Variants in SLC49A3 observed in about 807,000 individuals in gnomAD.
The protein encoded by SLC49A3 is solute carrier family 49 member A3.
SLC49A3 carries 50 observed loss-of-function variants against 43.8 expected under a neutral mutation model. The observed-to-expected ratio is 1.14, with a 90% CI of 0.91 to 1.45. The LOEUF (loss-of-function observed/expected upper bound fraction) is 1.45. Ranked by LOEUF, SLC49A3 falls within the 40% of genes most tolerant of loss-of-function variation. SLC49A3 has a pLI of 0.00. For missense variants in SLC49A3, 906 were observed against 774.1 expected (o/e 1.17, Z -2.02); for synonymous variants, 413 against 352.0 (o/e 1.17, Z -1.94).
chr4:681,546 T>C (rs1739544229), downstream of SLC49A3, among the ~76,000 whole-genome samples: 1 of 127,000 alleles, frequency 7.9e-6, no homozygotes, highest in Non-Finnish European at 1.6e-5. Context: ...TCCCCGACGC[T>C]GCTGAAGGGC....
At chr4:683,516 G>A (rs1740294459) in intron 7 of SLC49A3, 93 bp downstream of exon 7, 1 of 1,505,892 alleles carries the variant, frequency 6.6e-7, no homozygotes, top group Non-Finnish European at 8.9e-7. Flanking sequence ...AGACAGTCCA[G>A]ACCTCTGTTC....
At chr4:678,289 G>C, downstream of SLC49A3, 1 of 1,438,664 alleles carries the variant, frequency 7.0e-7, no homozygotes, top group Non-Finnish European at 9.1e-7. Flanking sequence ...CAGGATGAGG[G>C]GGTTCCTGGC....
At chr4:682,463 C>G in intron 9 of SLC49A3, 87 bp from the exon 10 acceptor site, 1 of 1,249,046 alleles carries the variant, frequency 8.0e-7, no homozygotes, top group Non-Finnish European at 1.0e-6. Context: ...GGTGACCCCA[C>G]TACCCTTGAC....
At chr4:678,764 A>G, downstream of SLC49A3, 1 of 1,610,036 alleles carries the variant, frequency 6.2e-7, no homozygotes, top group Non-Finnish European at 8.5e-7. Context: ...GAGTTCAAGG[A>G]GGTGAGACTT....
downstream of SLC49A3, chr4:677,862 G>A (rs921130362): frequency 6.6e-6 from 8 of 1,207,166 alleles, no homozygotes; most frequent in Admixed American, 5.3e-5. Flanking sequence ...CTGCCAGGCT[G>A]CCAAAGCTCA....
At chr4:679,936 C>T (rs779480662), downstream of SLC49A3, 27 of 1,613,642 alleles carry the variant, frequency 1.7e-5, no homozygotes, top group Middle Eastern at 1.6e-4. Flanking sequence ...TCAAGGACGA[C>T]GAGCTGGACG....
Position 682,095 on chromosome 4 carries a change from T to C in SLC49A3, c.1543A>G (p.Thr515Ala). 7.3e-7 allele frequency: 1 copy of C among 1,377,840 alleles called. No homozygotes were observed. The highest frequency in any genetic ancestry group is 9.5e-7 in the Non-Finnish European group (1 of 1,054,474). 85.4% of individuals were successfully genotyped at this position (1,377,840 alleles called of 1,614,324 possible). A position where few individuals can be genotyped will look rare whatever the true frequency, so the allele number is the denominator to read the frequency against. ...GCTGCTGGGCCTTGCGCACGGGGAG[T>C]CGCTCGGTGGCAGGCTGGGTGGGGG... is the stretch of plus-strand genomic sequence containing the variant. The part of the protein sequence containing the change: ...GSPHPACHRA[T>A]PRAQGPAATD... Residue 515 changes from threonine to alanine, a missense_variant, in exon 10 of 10, where the codon ACT becomes GCT. Coordinates refer to ENST00000322224, the MANE Select transcript of SLC49A3 (RefSeq NM_032219.4).
At chr4:689,801 G>A (rs1273541698), upstream of SLC49A3, among the ~76,000 whole-genome samples, 2 of 152,246 alleles carry the variant, frequency 1.3e-5, no homozygotes, top group African/African-American at 4.8e-5. Context: ...ACAGGTTTCT[G>A]TTTGTTTAGG....
intron 6 of SLC49A3, among the ~76,000 whole-genome samples, chr4:684,077 G>T (rs752948535): frequency 2.6e-5 from 4 of 152,194 alleles, no homozygotes; most frequent in Non-Finnish European, 4.4e-5. Flanking sequence ...ATCCCAGAAG[G>T]CAGAGGGCAG....
rs1739829734 is a variant in SLC49A3 at position 682,120 on chromosome 4, G to C, written c.1518C>G (p.Ser506Arg). The C allele has an allele frequency of 7.4e-7, 1 of 1,354,254 alleles. No individual in the cohort carries two copies. The allele number at this position is 1,354,254 out of a possible 1,614,324, so 83.9% of individuals were successfully genotyped here. A position where few individuals can be genotyped will look rare whatever the true frequency, so the allele number is the denominator to read the frequency against. ...ASLEDPRGPG[S>R]PHPACHRATP... ...TCGCTCGGTGGCAGGCTGGGTGGGGGCTCCCGGGCCCTCTGGGGTCCTCTA... is the reference window on the plus strand; with the variant it reads ...TCGCTCGGTGGCAGGCTGGGTGGGGCCTCCCGGGCCCTCTGGGGTCCTCTA... The change falls in exon 10 of 10, where the codon AGC (serine) becomes AGG (arginine). Residue 506 changes from serine (S) to arginine (R), a missense_variant. Physicochemically the swap from Ser to Arg is moderately radical, Grantham distance 110 (BLOSUM62 -1). Transcript: ENST00000322224.
At chr4:679,255 A>G (rs1304840160), downstream of SLC49A3, 3 of 660,424 alleles carry the variant, frequency 4.5e-6, no homozygotes, top group Non-Finnish European at 5.4e-6. Context: ...GGACAGCCCA[A>G]GCCTGGAAAC....
At position 686,318 on chromosome 4, in the gene SLC49A3, C is replaced by A. The variant is rs959226708; in HGVS notation, c.295-16G>T. 6.2e-7 allele frequency: 1 copy of A among 1,611,758 alleles called. No homozygotes were observed. The highest frequency in any genetic ancestry group is 8.5e-7 in the Non-Finnish European group (1 of 1,179,448). ...CCAGGATGGTCTGCGAGGAGGGGGT[C>A]GGGGACCGGGTCAGGAACGCTGCCA... On this transcript the variant is annotated splice_polypyrimidine_tract_variant and intron_variant, in intron 2 of 9. Transcript: ENST00000322224.
At position 682,552 on chromosome 4, in the gene SLC49A3, G is replaced by A. The variant is rs758147268; in HGVS notation, c.1262-176C>T. Among the ~76,000 whole-genome samples, 3 of 152,214 alleles carry A rather than the reference G, an allele frequency of 2.0e-5. No homozygotes were observed. The South Asian group carries it at 6.2e-4, about 32-fold the overall frequency. On this transcript the variant is annotated intron_variant, in intron 9 of 9. Coordinates refer to ENST00000322224, the MANE Select transcript of SLC49A3 (RefSeq NM_032219.4). ...GGGTGTTTGCAGACCCAGGTCCTGA[G>A]AGAGGTCACTAGCATGGGGTCTGGG...
intron 1 of SLC49A3, among the ~76,000 whole-genome samples, chr4:688,294 G>T (rs1309772715): frequency 6.6e-6 from 1 of 152,194 alleles, no homozygotes. Flanking sequence ...AGCAAAGGAG[G>T]AGGGGAGAGG....
At chr4:688,364 C>A (rs1017273850) in intron 1 of SLC49A3, among the ~76,000 whole-genome samples, 1 of 152,146 alleles carries the variant, frequency 6.6e-6, no homozygotes, top group South Asian at 2.1e-4. Context: ...TGCCCCTGCC[C>A]CCGAGCTTCC....
At chr4:677,875 C>A, downstream of SLC49A3, 1 of 1,341,126 alleles carries the variant, frequency 7.5e-7, no homozygotes, top group Non-Finnish European at 1.1e-6. Flanking sequence ...AAAGCTCACT[C>A]TGCAGCTGTC....
At chr4:680,617 G>T, downstream of SLC49A3, 2 of 1,604,794 alleles carry the variant, frequency 1.2e-6, no homozygotes, top group Non-Finnish European at 1.7e-6. Flanking sequence ...GGGCGGCCCG[G>T]CTTCCGGGGA....
chr4:681,339 C>T (rs1159286534), downstream of SLC49A3, among the ~76,000 whole-genome samples: 1 of 152,082 alleles, frequency 6.6e-6, no homozygotes, highest in Non-Finnish European at 1.5e-5. Flanking sequence ...GTTGGAGACC[C>T]CTCCCCTCCG....
chr4:684,602 G>C lies in SLC49A3; in HGVS notation c.724-3C>G. 3.1e-6 allele frequency: 5 copies of C among 1,612,832 alleles called. No homozygotes were observed. The highest frequency in any genetic ancestry group is 4.2e-6 in the Non-Finnish European group (5 of 1,179,876). On this transcript the variant is annotated splice_region_variant and splice_polypyrimidine_tract_variant and intron_variant, in intron 5 of 9. Coordinates refer to ENST00000322224, the MANE Select transcript of SLC49A3 (RefSeq NM_032219.4). The stretch of plus-strand genomic sequence containing the variant: ...ACATAGGCCTTGTTCCACATGAGCT[G>C]CTGGGAAAGAGCGTCTCAGCCCCGG...
Sources: allele counts gnomAD v4.1 joint callset (sites outside exome capture counted in the v4.1 genomes callset), GRCh38; gene constraint gnomAD v4.1.1; transcripts MANE v1.5; gene names NCBI Gene and HGNC (gene_info 2026-07-23, HGNC 2026-07-21).